Variants in TOPBP1 observed in about 807,000 individuals in gnomAD.
TOPBP1 encodes DNA topoisomerase 2-binding protein 1.
A neutral mutation model predicts 167.7 loss-of-function variants in TOPBP1; 28 were observed. That is an observed-to-expected ratio of 0.17 (90% CI 0.12 to 0.23). The LOEUF (loss-of-function observed/expected upper bound fraction) is 0.23, where lower values mean the gene tolerates loss of function less well. TOPBP1 is among the 10% of genes least tolerant of loss of function. TOPBP1 has a pLI of 1.00. For synonymous variants in TOPBP1, 598 were observed against 611.4 expected (o/e 0.98, Z 0.32); for missense variants, 1,554 against 1,809.6 (o/e 0.86, Z 2.56).
At chr3:133,647,652 T>C (rs758698222) in intron 10 of TOPBP1, among the ~76,000 whole-genome samples, 10 of 152,056 alleles carry the variant, frequency 6.6e-5, no homozygotes, top group Non-Finnish European at 1.0e-4. Context: ...CTGGGTAACA[T>C]AGTAGCACCC....
chr3:133,612,691 GAATT>G (rs1449678977), intron 23 of TOPBP1, 139 bp from the exon 24 acceptor site: 2 of 599,442 alleles, frequency 3.3e-6, no homozygotes, highest in Non-Finnish European at 5.4e-6. Flanking sequence ...GACTTACTTA[GAATT>G]ATTTTACTTT....
chr3:133,632,976 T>C (rs1301927689), intron 14 of TOPBP1, among the ~76,000 whole-genome samples: 2 of 152,182 alleles, frequency 1.3e-5, no homozygotes, highest in African/African-American at 4.8e-5. Flanking sequence ...TCTTGCCATG[T>C]TGCCCAGATT....
At chr3:133,623,241 A>C (rs768866883) in intron 18 of TOPBP1, 48 bp from the exon 19 acceptor site, 3 of 1,611,454 alleles carry the variant, frequency 1.9e-6, no homozygotes, top group Non-Finnish European at 2.5e-6. Flanking sequence ...CCACTGTATA[A>C]GGTTTCATAG....
intron 8 of TOPBP1, among the ~76,000 whole-genome samples, chr3:133,652,191 G>A (rs542275240): frequency 3.3e-5 from 5 of 151,916 alleles, no homozygotes; most frequent in Non-Finnish European, 7.4e-5. Flanking sequence ...TCGAAATATA[G>A]CAGATGAAAA....
rs1434748192 is a variant in TOPBP1 at position 133,620,259 on chromosome 3, C to T, written c.3267G>A (p.Gly1089=). The T allele has an allele frequency of 6.2e-7, 1 of 1,613,970 alleles. No individual in the cohort carries two copies. Among genetic ancestry groups the T allele is most frequent in the Non-Finnish European group, 8.5e-7 (1 of 1,179,892 alleles). The change falls in exon 20 of 28, where the codon GGG becomes GGA. Residue 1089 remains glycine (G), a synonymous_variant. Coordinates refer to ENST00000260810, the MANE Select transcript of TOPBP1 (RefSeq NM_007027.4). ...CACTTCTTGAAAGGGAAGTCCTCTG[C>T]CCTTGGGGTTTCACTATTGATGTTG... ...MSATSIVKPQ[G]QRTSLSRSGC... is the part of the protein sequence containing the mutation.
chr3:133,616,372 TCAGC>T (rs1934880959), intron 23 of TOPBP1, among the ~76,000 whole-genome samples: 2 of 152,058 alleles, frequency 1.3e-5, no homozygotes, highest in South Asian at 4.1e-4. Flanking sequence ...TCCGCCCACC[TCAGC>T]CTCCCAAAGT....
At chr3:133,603,166 G>T (rs1934369765) in intron 27 of TOPBP1, among the ~76,000 whole-genome samples, 3 of 152,136 alleles carry the variant, frequency 2.0e-5, no homozygotes, top group Non-Finnish European at 4.4e-5. Flanking sequence ...AAAGTGCTGG[G>T]ATTACAGGCG....
intron 4 of TOPBP1, among the ~76,000 whole-genome samples, chr3:133,657,317 G>C (rs62282429): frequency 6.6e-6 from 1 of 150,958 alleles, no homozygotes; most frequent in Non-Finnish European, 1.5e-5. Context: ...GCACTCCAGC[G>C]TGGGTGACAG....
intron 12 of TOPBP1, among the ~76,000 whole-genome samples, chr3:133,642,175 T>A (rs1576305752): frequency 6.6e-6 from 1 of 151,988 alleles, no homozygotes; most frequent in African/African-American, 2.4e-5. Flanking sequence ...TATTATTTTT[T>A]AAATAGAGAC....
chr3:133,608,737 C>A, intron 26 of TOPBP1, 41 bp from the exon 27 acceptor site: 1 of 1,606,562 alleles, frequency 6.2e-7, no homozygotes, highest in Non-Finnish European at 8.5e-7. Flanking sequence ...TACCAGTATT[C>A]CAAAGTAGTT....
At chr3:133,608,444 C>T in intron 27 of TOPBP1, 91 bp downstream of exon 27, 1 of 1,405,850 alleles carries the variant, frequency 7.1e-7, no homozygotes, top group Non-Finnish European at 9.7e-7. Flanking sequence ...TTCTACTAAT[C>T]ATGAGCTGAA....
chr3:133,627,020 T>C (rs551647030), intron 16 of TOPBP1, among the ~76,000 whole-genome samples: 139 of 152,312 alleles, frequency 9.1e-4, no homozygotes, highest in African/African-American at 3.1e-3. Context: ...AAGGGAACAT[T>C]TGGAACAACT....
chr3:133,657,777 C>T, intron 4 of TOPBP1, 21 bp downstream of exon 4: 1 of 1,506,706 alleles, frequency 6.6e-7, no homozygotes, highest in Non-Finnish European at 8.9e-7. Context: ...ATTGATCAAT[C>T]ATCATGAGAT....
intron 2 of TOPBP1, 58 bp downstream of exon 2, chr3:133,660,986 A>G: frequency 7.4e-7 from 1 of 1,345,742 alleles, no homozygotes; most frequent in East Asian, 2.5e-5. Flanking sequence ...CCAACAAATC[A>G]AAAACACTTA....
At chr3:133,650,591 C>T (rs1936259079) in intron 8 of TOPBP1, among the ~76,000 whole-genome samples, 1 of 151,964 alleles carries the variant, frequency 6.6e-6, no homozygotes, top group Non-Finnish European at 1.5e-5. Context: ...TATATTTAAA[C>T]CAATTTAATC....
At chr3:133,652,251 C>T (rs1390384180) in intron 8 of TOPBP1, among the ~76,000 whole-genome samples, 1 of 152,066 alleles carries the variant, frequency 6.6e-6, no homozygotes, top group Non-Finnish European at 1.5e-5. Context: ...CTGAAATGAA[C>T]TTTTAAAAGA....
Position 133,655,466 on chromosome 3 carries a change from T to C in TOPBP1, c.566A>G (p.Asp189Gly). 1.3e-6 allele frequency: 2 copies of C among 1,540,212 alleles called. No individual in the cohort carries two copies. Among genetic ancestry groups the C allele is most frequent in the South Asian group, 2.5e-5 (2 of 79,010 alleles). ...SQEKKITRYT[D>G]INMEDFKCPI... is the part of the protein sequence containing the mutation. ...ACACTTGAAATCTTCCATGTTTATATCAGTATATCTAGTTATTTTTCTGTG... is the reference window on the plus strand; with the variant it reads ...ACACTTGAAATCTTCCATGTTTATACCAGTATATCTAGTTATTTTTCTGTG... The change falls in exon 6 of 28, where the codon GAT becomes GGT. Residue 189 changes from aspartate to glycine, a missense_variant. Physicochemically the swap from Asp to Gly is moderately conservative, Grantham distance 94. Around this residue, in one of 3 missense-constraint regions of TOPBP1, gnomAD observed 1,197 missense variants for 1,351.5 expected, o/e 0.89. Coordinates refer to ENST00000260810, the MANE Select transcript of TOPBP1 (RefSeq NM_007027.4).
At chr3:133,655,720 T>A (rs149213795) in intron 5 of TOPBP1, among the ~76,000 whole-genome samples, 3 of 152,254 alleles carry the variant, frequency 2.0e-5, no homozygotes, top group African/African-American at 4.8e-5. Context: ...AAGGGAAAAA[T>A]ATATATTTCC....
At chr3:133,625,932 G>C (rs967907118) in intron 16 of TOPBP1, among the ~76,000 whole-genome samples, 5 of 152,136 alleles carry the variant, frequency 3.3e-5, no homozygotes, top group Non-Finnish European at 5.9e-5. Context: ...GAAAAACAGA[G>C]GAGTATTTTT....
Sources: allele counts gnomAD v4.1 joint callset (sites outside exome capture counted in the v4.1 genomes callset), GRCh38; gene constraint gnomAD v4.1.1; regional missense constraint gnomAD v4.1.1; transcripts MANE v1.5; gene names NCBI Gene and HGNC (gene_info 2026-07-23, HGNC 2026-07-21).